The following HS3ST5 variants were observed in gnomAD, a reference collection of about 807,000 sequenced individuals.
HS3ST5 encodes heparan sulfate-glucosamine 3-sulfotransferase 5.
HS3ST5 carries 10 observed loss-of-function variants against 25.4 expected under a neutral mutation model. The ratio of observed to expected loss-of-function variants is 0.39; its 90% confidence interval spans 0.24 to 0.67. The LOEUF is 0.67. Among genes scored for constraint, HS3ST5 ranks in the 30% least tolerant of loss-of-function variants. The pLI is 0.44. For synonymous variants in HS3ST5, 170 were observed against 162.4 expected, an observed-to-expected ratio of 1.05 and a Z score of -0.36; for missense variants, 324 against 420.7, an observed-to-expected ratio of 0.77 and a Z score of 2.01.
At chr6:114,312,904 C>T (rs2882105) in intron 1 of HS3ST5, among the ~76,000 whole-genome samples, 34,913 of 150,844 alleles carry the variant, frequency 0.23, 4,045 homozygotes, top group Admixed American at 0.28. Flanking sequence ...GTGGTACATG[C>T]CTATAGTTAC....
chr6:114,075,028 C>T (rs908634834), intron 3 of HS3ST5, among the ~76,000 whole-genome samples: 66 of 152,162 alleles, frequency 4.3e-4, no homozygotes, highest in Non-Finnish European at 3.8e-4. Flanking sequence ...AGATAACCAC[C>T]TGTTACCAGT....
intron 1 of HS3ST5, among the ~76,000 whole-genome samples, chr6:114,288,213 TA>T (rs1244720300): frequency 6.6e-6 from 1 of 152,038 alleles, no homozygotes; most frequent in Non-Finnish European, 1.5e-5. Context: ...TTTGATAGAG[TA>T]ATCTTTTCCT....
At chr6:114,129,917 T>C (rs1326045575) in intron 3 of HS3ST5, among the ~76,000 whole-genome samples, 1 of 152,198 alleles carries the variant, frequency 6.6e-6, no homozygotes, top group Non-Finnish European at 1.5e-5. Context: ...TTTTAAAGAA[T>C]GTGATATTTT....
chr6:114,171,359 G>C (rs1170264610), intron 2 of HS3ST5, among the ~76,000 whole-genome samples: 1 of 152,270 alleles, frequency 6.6e-6, no homozygotes, highest in East Asian at 1.9e-4. Flanking sequence ...TTTAAATAGT[G>C]GGTAGTGATG....
intron 3 of HS3ST5, among the ~76,000 whole-genome samples, chr6:114,097,816 A>C (rs1404298677): frequency 6.6e-6 from 1 of 151,986 alleles, no homozygotes. Context: ...TCAGCCTATT[A>C]ATTCCAAACC....
intron 3 of HS3ST5, among the ~76,000 whole-genome samples, chr6:114,119,418 C>T (rs750655496): frequency 3.9e-5 from 6 of 152,170 alleles, no homozygotes; most frequent in African/African-American, 4.8e-5. Flanking sequence ...ACAATGTGGT[C>T]TTTCAAAAGT....
intron 4 of HS3ST5, chr6:114,059,256 T>C (rs886217963): frequency 6.6e-6 from 1 of 152,230 alleles, no homozygotes; most frequent in African/African-American, 2.4e-5. Context: ...TAAGTTGATC[T>C]GTGAGGGCAT....
chr6:114,164,643 T>C (rs1779122808), intron 3 of HS3ST5, among the ~76,000 whole-genome samples: 1 of 152,174 alleles, frequency 6.6e-6, no homozygotes, highest in South Asian at 2.1e-4. Flanking sequence ...CTGTTCTCAT[T>C]TGGGTTAAAA....
At chr6:114,116,780 T>A (rs1289874621) in intron 3 of HS3ST5, among the ~76,000 whole-genome samples, 3 of 152,148 alleles carry the variant, frequency 2.0e-5, no homozygotes, top group Non-Finnish European at 4.4e-5. Flanking sequence ...TTAATGAGTT[T>A]AAGTAATGGC....
At chr6:114,295,089 C>T (rs995987558) in intron 1 of HS3ST5, among the ~76,000 whole-genome samples, 1 of 152,062 alleles carries the variant, frequency 6.6e-6, no homozygotes, top group Non-Finnish European at 1.5e-5. Flanking sequence ...CAAAATCACA[C>T]ACAAGAGCAA....
chr6:114,236,808 A>G (rs1160954460), intron 1 of HS3ST5, among the ~76,000 whole-genome samples: 2 of 152,204 alleles, frequency 1.3e-5, no homozygotes, highest in African/African-American at 4.8e-5. Flanking sequence ...CCATGTAACA[A>G]TCGGTACTGC....
At chr6:114,329,768 T>C (rs1057231667) in intron 1 of HS3ST5, among the ~76,000 whole-genome samples, 14 of 152,330 alleles carry the variant, frequency 9.2e-5, no homozygotes, top group African/African-American at 2.6e-4. Context: ...ATCTGTTTTA[T>C]ATCCAACACT....
In HS3ST5 at chr6:114,175,549, TA is replaced by T. The variant is rs567101779; in HGVS notation, c.-144-7088del. Among the ~76,000 whole-genome samples, 383 of 152,238 alleles carry T rather than the reference TA, an allele frequency of 2.5e-3. 4 individuals are homozygous for T. The highest frequency in any genetic ancestry group is 8.8e-3 in the African/African-American group (365 of 41,540). On this transcript the variant is annotated intron_variant, in intron 2 of 4. Transcript: ENST00000312719. Reference sequence around the variant, plus strand: ...GAATACCCAAAATAACAGCATGACATAACTGCTTCTATATTTCACAAATGCC... The same window carrying T: ...GAATACCCAAAATAACAGCATGACATACTGCTTCTATATTTCACAAATGCC...
chr6:114,164,437 C>A (rs1012817362), intron 3 of HS3ST5, among the ~76,000 whole-genome samples: 1 of 152,072 alleles, frequency 6.6e-6, no homozygotes, highest in Non-Finnish European at 1.5e-5. Context: ...TTGTCACAGG[C>A]CTATATTTTT....
In HS3ST5 at chr6:114,341,258, AGAGT is replaced by A. The variant is rs1259598112; in HGVS notation, c.-339+933_-339+936del. ...GAGAGAGAGAGAGAGAGAGAGAGAGAGAGTGAGTCCCACCGGGTGAAGACAGGGT... is the reference window on the plus strand; with the variant it reads ...GAGAGAGAGAGAGAGAGAGAGAGAGAGAGTCCCACCGGGTGAAGACAGGGT... On this transcript the variant is annotated intron_variant, in intron 1 of 4. Transcript: ENST00000312719. Among the ~76,000 whole-genome samples, 88 of 147,950 alleles carry A rather than the reference AGAGT, an allele frequency of 5.9e-4. 2 individuals are homozygous for A. Among genetic ancestry groups the A allele is most frequent in the African/African-American group, 7.3e-4 (29 of 39,890 alleles).
intron 3 of HS3ST5, among the ~76,000 whole-genome samples, chr6:114,065,311 T>A (rs1461143525): frequency 1.3e-5 from 2 of 152,250 alleles, no homozygotes; most frequent in African/African-American, 4.8e-5. Context: ...AGAGCTTCAC[T>A]GAAAGAACCA....
intron 2 of HS3ST5, among the ~76,000 whole-genome samples, chr6:114,224,022 T>C (rs941136195): frequency 6.6e-6 from 1 of 151,678 alleles, no homozygotes; most frequent in Non-Finnish European, 1.5e-5. Context: ...ATTATACCCA[T>C]CAGCATTTAT....
At chr6:114,205,717 C>T (rs548498003) in intron 2 of HS3ST5, among the ~76,000 whole-genome samples, 7 of 152,154 alleles carry the variant, frequency 4.6e-5, no homozygotes, top group African/African-American at 9.6e-5. Flanking sequence ...TTTATGGACT[C>T]GGGGTAGTGG....
intron 3 of HS3ST5, chr6:114,131,379 A>C (rs531791835): frequency 3.9e-4 from 59 of 152,356 alleles, no homozygotes; most frequent in African/African-American, 1.4e-3. Flanking sequence ...TAAACTTTTA[A>C]AAAGTGACTT....
Sources: gnomAD v4.1 joint callset for allele counts (sites outside exome capture counted in the v4.1 genomes callset) on GRCh38, gnomAD v4.1.1 for gene constraint, MANE v1.5 for transcripts, NCBI Gene and HGNC (gene_info 2026-07-23, HGNC 2026-07-21) for gene names.